Variants in DENND6B observed in about 807,000 individuals in gnomAD.
DENND6B encodes DENN domain containing 6B, also known as protein DENND6B.
DENND6B carries 73 observed loss-of-function variants against 85.1 expected under a neutral mutation model. The observed-to-expected ratio is 0.86, with a 90% CI of 0.71 to 1.04. The LOEUF (loss-of-function observed/expected upper bound fraction) is 1.04. DENND6B is among the 50% of genes least tolerant of loss of function. The pLI is 0.00. For synonymous variants in DENND6B, 357 were observed against 329.3 expected (o/e 1.08, Z -0.91); for missense variants, 715 against 785.8 (o/e 0.91, Z 1.08).
rs2041795800 is a variant in DENND6B at position 50,315,875 on chromosome 22, C to T, written c.703-106G>A. The T allele has an allele frequency of 2.0e-6, 3 of 1,501,876 alleles. No individual in the cohort carries two copies. The South Asian group carries it at 3.9e-5, about 19-fold the overall frequency. 93.0% of individuals were successfully genotyped at this position (1,501,876 alleles called of 1,614,324 possible). On this transcript the variant is annotated intron_variant, in intron 8 of 19. Coordinates refer to ENST00000413817, the MANE Select transcript of DENND6B (RefSeq NM_001001794.4). ...AGGGGAAGGTGGAGAGCACCCAGCC[C>T]TACACCAACACACAGCCTGTGGCTT...
intron 1 of DENND6B, among the ~76,000 whole-genome samples, chr22:50,320,625 G>T (rs1295269667): frequency 6.6e-6 from 1 of 152,232 alleles, no homozygotes; most frequent in African/African-American, 2.4e-5. Flanking sequence ...GAGTGGTCAG[G>T]AGGAGGACGA....
In DENND6B at chr22:50,313,641, G is replaced by A. The variant is rs1189813025; in HGVS notation, c.1287C>T (p.Ile429=). The change falls in exon 15 of 20, where the codon ATC becomes ATT. Residue 429 remains isoleucine (I), a synonymous_variant. Transcript: ENST00000413817. ...HLLELTQSFI[I]PLEHYMASLM... is the part of the protein sequence containing the mutation. ...CCCCAGCCCCGGGCCTCACCAGGGG[G>A]ATGATGAAGCTCTGGGTGAGCTCCA... 7.6e-6 allele frequency: 12 copies of A among 1,584,462 alleles called. No individual in the cohort carries two copies. The highest frequency in any genetic ancestry group is 4.6e-5 in the South Asian group (4 of 86,994).
At position 50,320,963 on chromosome 22, in the gene DENND6B, C is replaced by T. The variant is rs945312706; in HGVS notation, c.178-1960G>A. The stretch of plus-strand genomic sequence containing the variant: ...TTGAGTACAAAGCCAGGGGTCAGGC[C>T]ACCCAGGGTTGGCCACGCCAAGGTT... On this transcript the variant is annotated intron_variant, in intron 1 of 19. Coordinates refer to ENST00000413817, the MANE Select transcript of DENND6B (RefSeq NM_001001794.4). 2.0e-5 allele frequency among the ~76,000 whole-genome samples: 3 copies of T among 152,186 alleles called. No homozygotes were observed. The South Asian group carries it at 6.2e-4, about 31-fold the overall frequency.
At chr22:50,325,304 C>T (rs1302995516) in intron 1 of DENND6B, among the ~76,000 whole-genome samples, 2 of 150,612 alleles carry the variant, frequency 1.3e-5, no homozygotes, top group East Asian at 1.9e-4. Flanking sequence ...GAAAATAACA[C>T]GAGAATGTCT....
chr22:50,326,681 G>A (rs1297280987), intron 1 of DENND6B, 131 bp downstream of exon 1: 1 of 781,400 alleles, frequency 1.3e-6, no homozygotes, highest in African/African-American at 1.8e-5. Flanking sequence ...CCGGAGAAGA[G>A]GCCCCTCCAG....
At chr22:50,318,059 G>T in intron 3 of DENND6B, 39 bp from the exon 4 acceptor site, 1 of 1,600,704 alleles carries the variant, frequency 6.2e-7, no homozygotes, top group Non-Finnish European at 8.5e-7. Flanking sequence ...TCAAGGCCGG[G>T]AGCCTCTTCT....
chr22:50,314,778 G>C lies in DENND6B; in HGVS notation c.881+21C>G. On this transcript the variant is annotated intron_variant, in intron 10 of 19. Transcript: ENST00000413817. ...CCGCGATGGTCCAGCTTCCCCAGCC[G>C]GGACCGGGCCAAGGCGATACCTGGT... 4 of 1,593,406 alleles carry C rather than the reference G, an allele frequency of 2.5e-6. No homozygotes were observed. In the South Asian group the frequency reaches 3.4e-5, roughly 14 times the overall value.
chr22:50,319,823 C>A (rs1271194767), intron 1 of DENND6B, among the ~76,000 whole-genome samples: 1 of 152,234 alleles, frequency 6.6e-6, no homozygotes, highest in African/African-American at 2.4e-5. Context: ...GGGCCTGTGC[C>A]CCACCTGTAG....
chr22:50,323,962 T>C (rs2042126443), intron 1 of DENND6B, among the ~76,000 whole-genome samples: 1 of 152,124 alleles, frequency 6.6e-6, no homozygotes, highest in Admixed American at 6.6e-5. Flanking sequence ...CTGGAACACC[T>C]GGCCTCAAGT....
rs923307370 is a variant in DENND6B at position 50,311,153 on chromosome 22, G to A, written c.*986C>T. 6.6e-6 allele frequency: 1 copy of A among 152,222 alleles called. No individual in the cohort carries two copies. Among genetic ancestry groups the A allele is most frequent in the Non-Finnish European group, 1.5e-5 (1 of 68,090 alleles). The allele number at this position is 152,222 out of a possible 1,614,324, so 9.4% of individuals were successfully genotyped here. On this transcript the variant is annotated 3_prime_UTR_variant, in exon 20 of 20. Coordinates refer to ENST00000413817, the MANE Select transcript of DENND6B (RefSeq NM_001001794.4). ...CCGGGCACACAGTGCGTGATGCTGA[G>A]CAGGGCTTGGCTGTCCGGAGCCCTG...
At chr22:50,321,834 T>C (rs2042054739) in intron 1 of DENND6B, among the ~76,000 whole-genome samples, 1 of 151,714 alleles carries the variant, frequency 6.6e-6, no homozygotes, top group African/African-American at 2.4e-5. Context: ...ACATGGCCAA[T>C]TTTTACACTG....
rs192204156 is a variant in DENND6B, at chr22:50,317,365, C to T, written c.381G>A (p.Pro127=). The T allele has an allele frequency of 3.5e-5, 56 of 1,612,784 alleles. No individual in the cohort carries two copies. The highest frequency in any genetic ancestry group is 4.4e-5 in the Non-Finnish European group (52 of 1,179,682). Residue 127 remains proline (P), a synonymous_variant, in exon 5 of 20, where the codon CCG becomes CCA. Coordinates refer to ENST00000413817, the MANE Select transcript of DENND6B (RefSeq NM_001001794.4). Reference sequence around the variant, plus strand: ...AGTACACGTAGCCGAAGTAGTGTGCCGGCTCCCTCTGCAAGGAGCATGGTG... The same window carrying T: ...AGTACACGTAGCCGAAGTAGTGTGCTGGCTCCCTCTGCAAGGAGCATGGTG... ...SRAPVALQRE[P]AHYFGYVYFR... is the part of the protein sequence containing the mutation.
At chr22:50,314,317 G>C (rs370257232) in intron 12 of DENND6B, 45 bp from the exon 13 acceptor site, 1 of 1,599,174 alleles carries the variant, frequency 6.3e-7, no homozygotes, top group Non-Finnish European at 8.5e-7. Context: ...CCGCAGCTCT[G>C]GCCATCCCCA....
Position 50,311,820 on chromosome 22 carries a change from G to A in DENND6B, c.*319C>T, listed in dbSNP as rs1367623760. 2.5e-6 allele frequency: 1 copy of A among 399,600 alleles called. No homozygotes were observed. Among genetic ancestry groups the A allele is most frequent in the East Asian group, 5.3e-5 (1 of 18,858 alleles). The allele number at this position is 399,600 out of a possible 1,614,324, so 24.8% of individuals were successfully genotyped here. ...GGGCCAACAGATGGGCACCGGGAGG[G>A]GCAGACGGTAGACGCACCCACATCA... On this transcript the variant is annotated 3_prime_UTR_variant, in exon 20 of 20. Coordinates refer to ENST00000413817, the MANE Select transcript of DENND6B (RefSeq NM_001001794.4).
At position 50,313,508 on chromosome 22, in the gene DENND6B, G is replaced by A. The variant is rs1285626708; in HGVS notation, c.1294-9C>T. ...CTGGCCATGTAGTGCTCCTGGGTGG[G>A]GAAGGGAGGGGAGTGAGCCCGGGGA... On this transcript the variant is annotated splice_polypyrimidine_tract_variant and intron_variant, in intron 15 of 19. Coordinates refer to ENST00000413817, the MANE Select transcript of DENND6B (RefSeq NM_001001794.4). 6 of 1,545,102 alleles carry A rather than the reference G, an allele frequency of 3.9e-6. No homozygotes were observed. The highest frequency in any genetic ancestry group is 4.4e-6 in the Non-Finnish European group (5 of 1,144,168).
Position 50,326,886 on chromosome 22 carries a change from AG to A in DENND6B, c.102del (p.Trp35GlyfsTer105). 7.1e-7 allele frequency: 1 copy of A among 1,413,518 alleles called. No individual in the cohort carries two copies. Among genetic ancestry groups the A allele is most frequent in the Non-Finnish European group, 9.2e-7 (1 of 1,084,076 alleles). The allele number at this position is 1,413,518 out of a possible 1,614,324, so 87.6% of individuals were successfully genotyped here. A position where few individuals can be genotyped will look rare whatever the true frequency, so the allele number is the denominator to read the frequency against. On this transcript the variant is annotated frameshift_variant, in exon 1 of 20. Coordinates refer to ENST00000413817, the MANE Select transcript of DENND6B (RefSeq NM_001001794.4). LOFTEE classifies it high-confidence loss of function. ...SGRAARTPAA[P>X]WARFSAWLEC... ...TCCAGCCAGGCGGAGAAGCGCGCCC[AG>A]GGCGCCGCCGGGGTCCGCGCCGCGC...
rs2041696033 is a variant in DENND6B, at chr22:50,314,113, G to T, written c.1138+94C>A. The T allele has an allele frequency of 2.8e-6, 4 of 1,437,404 alleles. No individual in the cohort carries two copies. In the South Asian group the frequency reaches 5.5e-5, roughly 20 times the overall value. The allele number at this position is 1,437,404 out of a possible 1,614,324, so 89.0% of individuals were successfully genotyped here. On this transcript the variant is annotated intron_variant, in intron 13 of 19. Transcript: ENST00000413817. The stretch of plus-strand genomic sequence containing the variant: ...GCTGAGTCCTGGAAGAGGATCAGGG[G>T]TCTGGGGGCCTGGCTGCCCCACCCG...
chr22:50,317,477 G>A (rs763042382), intron 4 of DENND6B, 104 bp from the exon 5 acceptor site: 3 of 1,322,318 alleles, frequency 2.3e-6, no homozygotes. Context: ...GCAGATGGAA[G>A]GCTGGAGAAC....
chr22:50,313,589 C>G (rs1569196468), intron 15 of DENND6B, 46 bp downstream of exon 15: 3 of 1,515,524 alleles, frequency 2.0e-6, no homozygotes, highest in Non-Finnish European at 1.8e-6. Context: ...CCCATCCCCC[C>G]AGCCCCGTGC....
Sources: gnomAD v4.1 joint callset for allele counts (sites outside exome capture counted in the v4.1 genomes callset) on GRCh38, gnomAD v4.1.1 for gene constraint, MANE v1.5 for transcripts, NCBI Gene and HGNC (gene_info 2026-07-23, HGNC 2026-07-21) for gene names.